SMAD6: variants seen among roughly 807,000 people sequenced by gnomAD.
The protein encoded by SMAD6 is SMAD family member 6.
SMAD6 carries 103 observed loss-of-function variants against 39.4 expected under a neutral mutation model. The ratio of observed to expected loss-of-function variants is 2.62; its 90% CI spans 2.23 to 3.08. The LOEUF is 3.08. Among genes scored for constraint, SMAD6 ranks in the 30% most tolerant of loss-of-function variants. SMAD6 has a pLI of 0.00. For synonymous variants in SMAD6, 445 were observed against 353.3 expected, an observed-to-expected ratio of 1.26 and a Z score of -2.91; for missense variants, 1,104 against 742.9, an observed-to-expected ratio of 1.49 and a Z score of -5.65.
intron 1 of SMAD6, among the ~76,000 whole-genome samples, chr15:66,708,513 C>A (rs1893164252): frequency 6.6e-6 from 1 of 152,230 alleles, no homozygotes; most frequent in African/African-American, 2.4e-5. Flanking sequence ...AGAGAGGAAG[C>A]AACCCAAATG....
chr15:66,757,488 G>C (rs1307633568), intron 3 of SMAD6, among the ~76,000 whole-genome samples: 2 of 152,236 alleles, frequency 1.3e-5, no homozygotes, highest in Non-Finnish European at 2.9e-5. Context: ...GTGTGGGGCT[G>C]GCTGGAGGCA....
chr15:66,775,386 TATCTG>T (rs1240730570), intron 3 of SMAD6, among the ~76,000 whole-genome samples: 1 of 152,216 alleles, frequency 6.6e-6, no homozygotes, highest in Non-Finnish European at 1.5e-5. Context: ...TGTTGATAGA[TATCTG>T]AGCTGGTTTC....
At position 66,732,146 on chromosome 15, in the gene SMAD6, T is replaced by C. The variant is rs775317834; in HGVS notation, c.952+15648T>C. 2.0e-5 allele frequency among the ~76,000 whole-genome samples: 3 copies of C among 152,126 alleles called. No homozygotes were observed. The South Asian group carries it at 6.2e-4, about 32-fold the overall frequency. ...TTTTTGTAGAGGTGGGGTTTTACCA[T>C]GTTGGCCAGGCTGGTCTTGAACTCT... On this transcript the variant is annotated intron_variant, in intron 3 of 3. Transcript: ENST00000288840.
At chr15:66,776,693 G>A (rs187524107) in intron 3 of SMAD6, among the ~76,000 whole-genome samples, 1 of 152,288 alleles carries the variant, frequency 6.6e-6, no homozygotes, top group African/African-American at 2.4e-5. Flanking sequence ...GTCCCAACAG[G>A]CCAGTCTCAG....
intron 1 of SMAD6, chr15:66,706,426 G>A (rs1004382431): frequency 3.9e-5 from 6 of 152,360 alleles, no homozygotes; most frequent in African/African-American, 1.4e-4. Context: ...GGACAGCTGG[G>A]AGGACCGATG....
Position 66,727,929 on chromosome 15 carries a change from G to A in SMAD6, c.952+11431G>A, listed in dbSNP as rs1243800193. ...GTGCAATGGCGCGATCTCCGCTCGCGGTAACCTCCGCCTCCTGGGTTCAAG... is the reference window on the plus strand; with the variant it reads ...GTGCAATGGCGCGATCTCCGCTCGCAGTAACCTCCGCCTCCTGGGTTCAAG... On this transcript the variant is annotated intron_variant, in intron 3 of 3. Transcript: ENST00000288840. Among the ~76,000 whole-genome samples the A allele has an allele frequency of 2.6e-5, 4 of 151,866 alleles. No individual in the cohort carries two copies. In the South Asian group the frequency reaches 8.3e-4, roughly 32 times the overall value.
chr15:66,740,259 T>C (rs1486246771), intron 3 of SMAD6, among the ~76,000 whole-genome samples: 2 of 152,230 alleles, frequency 1.3e-5, no homozygotes, highest in Non-Finnish European at 2.9e-5. Flanking sequence ...TCCATTCCCC[T>C]CTTTGAGCTT....
chr15:66,743,140 A>G (rs1893845345), intron 3 of SMAD6, among the ~76,000 whole-genome samples: 2 of 152,086 alleles, frequency 1.3e-5, no homozygotes, highest in African/African-American at 4.8e-5. Flanking sequence ...GGATGCTCCC[A>G]CCAGCCAGAG....
intron 3 of SMAD6, among the ~76,000 whole-genome samples, chr15:66,774,947 C>T (rs1459903449): frequency 3.3e-5 from 5 of 151,910 alleles, no homozygotes; most frequent in East Asian, 1.9e-4. Context: ...CTGCAGCGTC[C>T]GCCTCCCGGG....
At chr15:66,767,078 C>T (rs1480318738) in intron 3 of SMAD6, among the ~76,000 whole-genome samples, 1 of 152,218 alleles carries the variant, frequency 6.6e-6, no homozygotes, top group African/African-American at 2.4e-5. Context: ...TCAACTTCTT[C>T]AAGATGCTGG....
chr15:66,750,292 G>A (rs1365418521), intron 3 of SMAD6, among the ~76,000 whole-genome samples: 1 of 152,164 alleles, frequency 6.6e-6, no homozygotes, highest in Non-Finnish European at 1.5e-5. Context: ...TTCATAAACT[G>A]TTGCATATCT....
At chr15:66,733,948 A>ACAGGG (rs1893671871) in intron 3 of SMAD6, among the ~76,000 whole-genome samples, 2 of 152,208 alleles carry the variant, frequency 1.3e-5, no homozygotes, top group Admixed American at 6.5e-5. Context: ...TACAGAACTG[A>ACAGGG]CAGGGCAGGG....
chr15:66,709,511 T>C (rs1893186328), intron 1 of SMAD6, among the ~76,000 whole-genome samples: 1 of 152,198 alleles, frequency 6.6e-6, no homozygotes, highest in Admixed American at 6.5e-5. Context: ...TACAGAGGCT[T>C]GACTCCAGCC....
At chr15:66,714,585 C>T (rs1893292139) in intron 2 of SMAD6, among the ~76,000 whole-genome samples, 1 of 152,140 alleles carries the variant, frequency 6.6e-6, no homozygotes, top group Non-Finnish European at 1.5e-5. Flanking sequence ...TAACCTCTGG[C>T]CCTTTATAGA....
rs1301116995 is a variant in SMAD6, at chr15:66,781,388, C to T, written c.1344C>T (p.His448=). 2.5e-6 allele frequency: 4 copies of T among 1,601,850 alleles called. No homozygotes were observed. The Admixed American group carries it at 5.0e-5, about 20-fold the overall frequency. ...VFDFERSGLQ[H]APEPDAADGP... ...ACTTCGAGCGCTCGGGCCTGCAGCA[C>T]GCGCCCGAGCCCGACGCCGCCGACG... is the stretch of plus-strand genomic sequence containing the variant. Residue 448 remains histidine (H), a synonymous_variant, in exon 4 of 4, where the codon CAC becomes CAT. Coordinates refer to ENST00000288840, the MANE Select transcript of SMAD6 (RefSeq NM_005585.5).
intron 3 of SMAD6, among the ~76,000 whole-genome samples, chr15:66,731,885 T>C (rs74322985): frequency 1.6e-3 from 251 of 152,228 alleles, no homozygotes; most frequent in Non-Finnish European, 2.9e-3. Context: ...GCACTTGATA[T>C]GATCAGTTTG....
intron 1 of SMAD6, among the ~76,000 whole-genome samples, chr15:66,709,401 G>A (rs906934159): frequency 1.3e-5 from 2 of 152,282 alleles, no homozygotes; most frequent in South Asian, 2.1e-4. Context: ...CACAACTCAA[G>A]GCCCAGGTAG....
intron 3 of SMAD6, among the ~76,000 whole-genome samples, chr15:66,759,861 G>C (rs1254109786): frequency 2.0e-5 from 3 of 152,226 alleles, no homozygotes; most frequent in Admixed American, 6.5e-5. Flanking sequence ...GTTGGGGTGT[G>C]CATACCTGAG....
At chr15:66,704,573 C>G (rs370653394) in intron 1 of SMAD6, 1 of 152,820 alleles carries the variant, frequency 6.5e-6, no homozygotes, top group South Asian at 2.1e-4. Context: ...CAAAAGTGTT[C>G]GTCAAATGTC....
Sources: gnomAD v4.1 joint callset for allele counts (sites outside exome capture counted in the v4.1 genomes callset) on GRCh38, gnomAD v4.1.1 for gene constraint, MANE v1.5 for transcripts, NCBI Gene and HGNC (gene_info 2026-07-23, HGNC 2026-07-21) for gene names.